The following SYT16 variants were observed in gnomAD, a reference collection of about 807,000 sequenced individuals.
SYT16 encodes the protein synaptotagmin 16.
Under a neutral mutation model 61.4 loss-of-function variants are expected in SYT16, and 42 were observed. That is an observed-to-expected ratio of 0.68 (90% CI 0.53 to 0.89). The LOEUF is 0.89. Ranked by LOEUF, SYT16 falls within the 40% of genes least tolerant of loss-of-function variation. SYT16 has a pLI of 0.00. For missense variants in SYT16, 804 were observed against 807.3 expected, an observed-to-expected ratio of 1.00 and a Z score of 0.05; for synonymous variants, 314 against 302.3, an observed-to-expected ratio of 1.04 and a Z score of -0.40.
At chr14:61,942,284 C>A (rs182003187) in intron 1 of SYT16, among the ~76,000 whole-genome samples, 4 of 152,266 alleles carry the variant, frequency 2.6e-5, no homozygotes, top group Admixed American at 2.6e-4. Context: ...ACACATAGAA[C>A]CTTCCTTGAG....
chr14:61,999,222 T>C (rs1419889754), intron 3 of SYT16, among the ~76,000 whole-genome samples: 3 of 151,882 alleles, frequency 2.0e-5, no homozygotes, highest in African/African-American at 4.8e-5. Context: ...TAATGTTTGC[T>C]AGAATTTTTC....
At chr14:61,929,060 G>A (rs563783230) in intron 1 of SYT16, among the ~76,000 whole-genome samples, 1 of 152,192 alleles carries the variant, frequency 6.6e-6, no homozygotes, top group Non-Finnish European at 1.5e-5. Flanking sequence ...CACCTCTTCA[G>A]CACTGGCTTA....
At position 62,084,317 on chromosome 14, in the gene SYT16, C is replaced by G. The variant is rs777540095; in HGVS notation, c.1556C>G (p.Thr519Arg). The change falls in exon 7 of 8, where the codon ACG becomes AGG. Residue 519 changes from threonine (T) to arginine (R), a missense_variant. By Grantham distance (71) the Thr-to-Arg change is moderately conservative (BLOSUM62 -1). Transcript: ENST00000683842. ...LLVGLSYNAT[T>R]GRLSVEMIKG... is the part of the protein sequence containing the mutation. ...GTGGGGCTCTCGTACAATGCCACAA[C>G]GGGGCGATTATCTGTGGAAATGATC... 9 of 1,613,472 alleles carry G rather than the reference C, an allele frequency of 5.6e-6. No homozygotes were observed. The highest frequency in any genetic ancestry group is 7.6e-6 in the Non-Finnish European group (9 of 1,179,796).
At chr14:61,838,213 G>T (rs1294475423) in intron 1 of SYT16, among the ~76,000 whole-genome samples, 3 of 152,096 alleles carry the variant, frequency 2.0e-5, no homozygotes, top group Non-Finnish European at 2.9e-5. Flanking sequence ...TTAACTACCT[G>T]ACTGGTGGGA....
chr14:62,051,272 T>C (rs1250326554), intron 3 of SYT16, among the ~76,000 whole-genome samples: 3 of 152,218 alleles, frequency 2.0e-5, no homozygotes, highest in Non-Finnish European at 4.4e-5. Context: ...CTCCGAGCCA[T>C]GTGCGGGATA....
At chr14:61,814,208 C>G (rs1388646061) in intron 1 of SYT16, among the ~76,000 whole-genome samples, 1 of 152,160 alleles carries the variant, frequency 6.6e-6, no homozygotes, top group East Asian at 1.9e-4. Context: ...CCAGTAAAAT[C>G]AGCTAATTTG....
intron 1 of SYT16, among the ~76,000 whole-genome samples, chr14:61,848,012 G>A (rs1417900321): frequency 6.6e-6 from 1 of 152,154 alleles, no homozygotes; most frequent in African/African-American, 2.4e-5. Flanking sequence ...TGGATTTTCT[G>A]TCTGAAAGGT....
intron 7 of SYT16, among the ~76,000 whole-genome samples, chr14:62,088,557 A>G (rs936928500): frequency 2.6e-5 from 4 of 152,224 alleles, no homozygotes; most frequent in Non-Finnish European, 4.4e-5. Flanking sequence ...AAATGGATGT[A>G]TGCATTTGTC....
At chr14:61,832,216 C>G in intron 1 of SYT16, 1 of 637,920 alleles carries the variant, frequency 1.6e-6, no homozygotes, top group Admixed American at 1.9e-5. Flanking sequence ...AGGTGCTTGA[C>G]ATGGGCCACA....
intron 1 of SYT16, among the ~76,000 whole-genome samples, chr14:61,920,952 A>G (rs1475742605): frequency 6.6e-6 from 1 of 152,174 alleles, no homozygotes; most frequent in East Asian, 1.9e-4. Context: ...GCTCATAACT[A>G]CTAGGTTAAG....
intron 3 of SYT16, among the ~76,000 whole-genome samples, chr14:62,018,778 C>T (rs1258754269): frequency 6.6e-6 from 1 of 152,098 alleles, no homozygotes; most frequent in Non-Finnish European, 1.5e-5. Flanking sequence ...GTAAACGGTA[C>T]CTCCCTCCAC....
Position 62,100,565 on chromosome 14 carries a change from G to A in SYT16, c.1796G>A (p.Arg599His), listed in dbSNP as rs746304551. 31 of 1,613,804 alleles carry A rather than the reference G, an allele frequency of 1.9e-5. No homozygotes were observed. The highest frequency in any genetic ancestry group is 1.1e-4 in the East Asian group (5 of 44,874). ...VTLMISVYNR[R>H]TMKRKEMIGW... Reference sequence around the variant, plus strand: ...TTGATGATTTCCGTTTATAACAGGCGTACTATGAAGCGTAAAGAGATGATT... The same window carrying A: ...TTGATGATTTCCGTTTATAACAGGCATACTATGAAGCGTAAAGAGATGATT... Residue 599 changes from arginine to histidine, a missense_variant, in exon 8 of 8, where the codon CGT becomes CAT. Transcript: ENST00000683842.
intron 3 of SYT16, 48 bp from the exon 4 acceptor site, chr14:62,069,555 C>T (rs538422986): frequency 7.1e-6 from 11 of 1,551,942 alleles, no homozygotes; most frequent in East Asian, 2.2e-5. Flanking sequence ...TCTCTGTATT[C>T]GAGCATATAG....
chr14:62,013,050 G>A (rs2053530795), intron 3 of SYT16, among the ~76,000 whole-genome samples: 1 of 152,132 alleles, frequency 6.6e-6, no homozygotes, highest in South Asian at 2.1e-4. Flanking sequence ...TAACTATATA[G>A]TAGTTATCTA....
intron 4 of SYT16, among the ~76,000 whole-genome samples, chr14:62,074,762 A>G (rs1359804988): frequency 6.6e-6 from 1 of 152,200 alleles, no homozygotes; most frequent in Non-Finnish European, 1.5e-5. Context: ...GAAGCATGGT[A>G]GAGTCGGGAG....
At chr14:61,828,669 A>T (rs955309545) in intron 1 of SYT16, among the ~76,000 whole-genome samples, 2 of 152,228 alleles carry the variant, frequency 1.3e-5, no homozygotes, top group African/African-American at 4.8e-5. Flanking sequence ...AGAAAAACAC[A>T]CAGAGTTATA....
At chr14:61,993,748 A>G (rs2052652023) in intron 2 of SYT16, among the ~76,000 whole-genome samples, 1 of 152,198 alleles carries the variant, frequency 6.6e-6, no homozygotes. Flanking sequence ...ATGTGATAAC[A>G]TTGTTTAACA....
chr14:61,869,378 A>G (rs2047257798), intron 1 of SYT16, among the ~76,000 whole-genome samples: 1 of 151,892 alleles, frequency 6.6e-6, no homozygotes, highest in South Asian at 2.1e-4. Flanking sequence ...AAATTTATTA[A>G]TATTATATTT....
intron 1 of SYT16, among the ~76,000 whole-genome samples, chr14:61,931,776 G>A (rs2140427547): frequency 6.6e-6 from 1 of 152,024 alleles, no homozygotes; most frequent in Non-Finnish European, 1.5e-5. Context: ...TATACTTTAA[G>A]TTTTAGGGTA....
Sources: gnomAD v4.1 joint callset for allele counts (sites outside exome capture counted in the v4.1 genomes callset) on GRCh38, gnomAD v4.1.1 for gene constraint, MANE v1.5 for transcripts, NCBI Gene and HGNC (gene_info 2026-07-23, HGNC 2026-07-21) for gene names.